Variants in CTNNA1 observed in about 807,000 individuals in gnomAD.
CTNNA1 encodes catenin alpha 1, also known as catenin alpha-1.
Under a neutral mutation model 98.4 loss-of-function variants are expected in CTNNA1, and 37 were observed. The ratio of observed to expected loss-of-function variants is 0.38; its 90% CI spans 0.29 to 0.49. CTNNA1 has a LOEUF of 0.49. Among genes scored for constraint, CTNNA1 ranks in the 20% least tolerant of loss-of-function variants. The pLI is 0.95. For synonymous variants in CTNNA1, 404 were observed against 413.2 expected (o/e 0.98, Z 0.27); for missense variants, 761 against 1,147.2 (o/e 0.66, Z 4.86).
chr5:138,775,439 A>G (rs1453772186), intron 1 of CTNNA1, among the ~76,000 whole-genome samples: 1 of 152,194 alleles, frequency 6.6e-6, no homozygotes, highest in African/African-American at 2.4e-5. Flanking sequence ...AATGAAACAG[A>G]TGACTGGGAC....
intron 10 of CTNNA1, among the ~76,000 whole-genome samples, chr5:138,917,418 A>C (rs768362860): frequency 3.3e-5 from 5 of 152,218 alleles, no homozygotes; most frequent in African/African-American, 4.8e-5. Context: ...ATATAATTCT[A>C]ATTGTGTATT....
intron 3 of CTNNA1, chr5:138,790,869 A>G (rs539515453): frequency 5.3e-5 from 8 of 152,322 alleles, no homozygotes; most frequent in South Asian, 4.1e-4. Flanking sequence ...TTTTGTGACT[A>G]TCGTACCACT....
At chr5:138,789,198 C>A (rs894588609) in intron 3 of CTNNA1, among the ~76,000 whole-genome samples, 1 of 145,702 alleles carries the variant, frequency 6.9e-6, no homozygotes, top group Non-Finnish European at 1.5e-5. Context: ...TCCCCCCCCC[C>A]AGAGCTTATA....
chr5:138,755,162 C>G (rs1751489130), intron 1 of CTNNA1: 1 of 152,210 alleles, frequency 6.6e-6, no homozygotes, highest in Non-Finnish European at 1.5e-5. Flanking sequence ...GAGCGGACTG[C>G]AGTAAGTGCC....
At chr5:138,911,345 T>G (rs544097650) in intron 10 of CTNNA1, among the ~76,000 whole-genome samples, 9 of 152,264 alleles carry the variant, frequency 5.9e-5, no homozygotes, top group African/African-American at 1.7e-4. Context: ...CATGTCAATT[T>G]CCTAATTCCC....
At chr5:138,808,600 C>T (rs936807617) in intron 3 of CTNNA1, among the ~76,000 whole-genome samples, 5 of 150,878 alleles carry the variant, frequency 3.3e-5, no homozygotes, top group Non-Finnish European at 7.4e-5. Context: ...GGCAATTTTT[C>T]CCCCCTCTTC....
At chr5:138,811,194 C>G (rs1254161111) in intron 4 of CTNNA1, among the ~76,000 whole-genome samples, 9 of 149,456 alleles carry the variant, frequency 6.0e-5, no homozygotes, top group Non-Finnish European at 1.2e-4. Context: ...CTCCTCACTT[C>G]TCAGACGGGG....
At chr5:138,828,905 CG>C (rs1253099474) in intron 7 of CTNNA1, among the ~76,000 whole-genome samples, 3 of 152,182 alleles carry the variant, frequency 2.0e-5, no homozygotes, top group African/African-American at 7.2e-5. Context: ...GGGTGGATTG[CG>C]TGAGCCCAAG....
rs1764796614 is a variant in CTNNA1 at position 138,929,265 on chromosome 5, ACT to A, written c.1922_1923del (p.Ser641Ter). The A allele has an allele frequency of 1.2e-6, 2 of 1,602,304 alleles. No homozygotes were observed. The highest frequency in any genetic ancestry group is 8.6e-7 in the Non-Finnish European group (1 of 1,169,414). On this transcript the variant is annotated frameshift_variant, in exon 14 of 18. Transcript: ENST00000302763. LOFTEE classifies it high-confidence loss of function. Reference sequence around the variant, plus strand: ...TGGCAGACCCCTGAGGAGTTGGATGACTCTGACTTTGAGACAGAAGATTTTGA... The same window carrying A: ...TGGCAGACCCCTGAGGAGTTGGATGACTGACTTTGAGACAGAAGATTTTGA...
At chr5:138,819,672 G>A (rs1291002533) in intron 5 of CTNNA1, among the ~76,000 whole-genome samples, 1 of 152,112 alleles carries the variant, frequency 6.6e-6, no homozygotes, top group Non-Finnish European at 1.5e-5. Flanking sequence ...CATTTCCTTG[G>A]ATTCAGGGCA....
In CTNNA1 at chr5:138,886,235, T is replaced by G. The variant is rs1294061925; in HGVS notation, c.1086T>G (p.Asp362Glu). 29 of 1,611,274 alleles carry G rather than the reference T, an allele frequency of 1.8e-5. No individual in the cohort carries two copies. The highest frequency in any genetic ancestry group is 2.5e-5 in the Non-Finnish European group (29 of 1,178,730). The change falls in exon 8 of 18, where the codon GAT (aspartate) becomes GAG (glutamate). Residue 362 changes from aspartate (D) to glutamate (E), a missense_variant. Physicochemically the swap from Asp to Glu is conservative, Grantham distance 45. Transcript: ENST00000302763. ...MGNAGRKERS[D>E]ALNSAIDKMT... ...AGGCTGGACGTAAAGAAAGAAGTGA[T>G]GCACTCAATTCTGCAATAGATAAAA...
intron 11 of CTNNA1, among the ~76,000 whole-genome samples, chr5:138,923,432 T>G (rs1046156355): frequency 6.6e-6 from 1 of 152,242 alleles, no homozygotes; most frequent in African/African-American, 2.4e-5. Context: ...GACCAAAATA[T>G]GGTCTTAACT....
At chr5:138,766,092 C>G (rs1205257814) in intron 1 of CTNNA1, among the ~76,000 whole-genome samples, 1 of 151,926 alleles carries the variant, frequency 6.6e-6, no homozygotes, top group Non-Finnish European at 1.5e-5. Flanking sequence ...ATGAAAGTTA[C>G]CATGATCAAA....
At position 138,781,928 on chromosome 5, in the gene CTNNA1, A is replaced by G. The variant is rs1248704890; in HGVS notation, c.4A>G (p.Thr2Ala). Residue 2 changes from threonine to alanine, a missense_variant, in exon 2 of 18, where the codon ACT (threonine) becomes GCT (alanine). Thr to Ala is a moderately conservative substitution (Grantham distance 58). Coordinates refer to ENST00000302763, the MANE Select transcript of CTNNA1 (RefSeq NM_001903.5). ...ACTTTTTGTTTCTTATTTAGAAATG[A>G]CTGCTGTCCATGCAGGCAACATAAA... M[T>A]AVHAGNINFK... The G allele has an allele frequency of 1.3e-6, 2 of 1,579,118 alleles. No homozygotes were observed. Among genetic ancestry groups the G allele is most frequent in the African/African-American group, 2.8e-5 (2 of 72,430 alleles).
intron 3 of CTNNA1, among the ~76,000 whole-genome samples, chr5:138,793,165 TTTAAC>T (rs1004880762): frequency 2.6e-5 from 4 of 152,240 alleles, no homozygotes; most frequent in African/African-American, 9.6e-5. Context: ...TTGTTCTTCA[TTTAAC>T]TTGAGCAGGA....
chr5:138,797,193 C>T (rs993725523), intron 3 of CTNNA1, among the ~76,000 whole-genome samples: 24 of 152,096 alleles, frequency 1.6e-4, no homozygotes, highest in African/African-American at 5.8e-4. Context: ...TTATCATACA[C>T]ACAAACTAAA....
chr5:138,759,217 C>T (rs546801559), intron 1 of CTNNA1, among the ~76,000 whole-genome samples: 71 of 152,198 alleles, frequency 4.7e-4, no homozygotes, highest in African/African-American at 1.7e-3. Context: ...ACATTTGAAT[C>T]TAATGATGTG....
At chr5:138,919,367 G>A (rs1043697776) in intron 11 of CTNNA1, among the ~76,000 whole-genome samples, 1 of 152,148 alleles carries the variant, frequency 6.6e-6, no homozygotes, top group Non-Finnish European at 1.5e-5. Context: ...ATTAGGTTGG[G>A]TATGTCTCAG....
At chr5:138,761,657 A>G (rs1752393697) in intron 1 of CTNNA1, among the ~76,000 whole-genome samples, 1 of 152,314 alleles carries the variant, frequency 6.6e-6, no homozygotes, top group Admixed American at 6.5e-5. Flanking sequence ...CTATATGGAG[A>G]TAATAAATAA....
Sources: allele counts gnomAD v4.1 joint callset (sites outside exome capture counted in the v4.1 genomes callset), GRCh38; gene constraint gnomAD v4.1.1; transcripts MANE v1.5; gene names NCBI Gene and HGNC (gene_info 2026-07-23, HGNC 2026-07-21).